The following PTPRK variants were observed in gnomAD, a reference collection of about 807,000 sequenced individuals.
PTPRK encodes protein tyrosine phosphatase receptor type K, also known as receptor-type tyrosine-protein phosphatase kappa.
A neutral mutation model predicts 178.0 loss-of-function variants in PTPRK; 75 were observed. That is an observed-to-expected ratio of 0.42 (90% confidence interval 0.35 to 0.51). The LOEUF (loss-of-function observed/expected upper bound fraction) is 0.51, where lower values mean the gene tolerates loss of function less well. PTPRK is among the 20% of genes least tolerant of loss of function. The pLI is 0.02. For synonymous variants in PTPRK, 637 were observed against 620.6 expected (o/e 1.03, Z -0.39); for missense variants, 1,441 against 1,797.8 (o/e 0.80, Z 3.59).
chr6:128,292,961 A>C (rs896320286), intron 3 of PTPRK, among the ~76,000 whole-genome samples: 1 of 152,080 alleles, frequency 6.6e-6, no homozygotes, highest in Non-Finnish European at 1.5e-5. Context: ...TGGTCAAAGA[A>C]TAGCCAAATA....
intron 3 of PTPRK, among the ~76,000 whole-genome samples, chr6:128,291,192 T>C (rs755439221): frequency 4.0e-5 from 6 of 151,866 alleles, no homozygotes; most frequent in Non-Finnish European, 8.8e-5. Context: ...ACAGAAGAGG[T>C]CAGAGGGATT....
intron 13 of PTPRK, among the ~76,000 whole-genome samples, chr6:128,042,440 G>A (rs191833897): frequency 1.3e-5 from 2 of 151,956 alleles, no homozygotes; most frequent in African/African-American, 2.4e-5. Flanking sequence ...GAGATAATCT[G>A]TTTTCTTGAT....
At chr6:128,091,768 C>T (rs1273826935) in intron 7 of PTPRK, among the ~76,000 whole-genome samples, 1 of 152,106 alleles carries the variant, frequency 6.6e-6, no homozygotes, top group African/African-American at 2.4e-5. Context: ...CTGACATTTT[C>T]CCCTTGTATA....
At chr6:128,096,038 T>C (rs146386624) in intron 7 of PTPRK, among the ~76,000 whole-genome samples, 2 of 152,316 alleles carry the variant, frequency 1.3e-5, no homozygotes, top group African/African-American at 4.8e-5. Flanking sequence ...TCTTAATTGT[T>C]ACAGTGAGAA....
At chr6:128,348,008 G>A (rs1165286750) in intron 2 of PTPRK, among the ~76,000 whole-genome samples, 1 of 151,758 alleles carries the variant, frequency 6.6e-6, no homozygotes, top group African/African-American at 2.4e-5. Flanking sequence ...TTACCCCAAG[G>A]ATATGACAAA....
chr6:128,118,128 A>C (rs1175539177), intron 7 of PTPRK, among the ~76,000 whole-genome samples: 1 of 152,220 alleles, frequency 6.6e-6, no homozygotes, highest in Non-Finnish European at 1.5e-5. Flanking sequence ...GCAAACAACA[A>C]TAATACCAAT....
intron 28 of PTPRK, 25 bp from the exon 29 acceptor site, chr6:127,973,182 T>G: frequency 6.2e-7 from 1 of 1,613,378 alleles, no homozygotes; most frequent in Non-Finnish European, 8.5e-7. Context: ...AGCAAAGGCA[T>G]TTTAGATAGC....
intron 13 of PTPRK, among the ~76,000 whole-genome samples, chr6:128,035,977 T>C (rs1396735435): frequency 1.3e-5 from 2 of 152,240 alleles, no homozygotes; most frequent in African/African-American, 4.8e-5. Flanking sequence ...TATGTTTTAG[T>C]TCCTTTAGCT....
intron 1 of PTPRK, among the ~76,000 whole-genome samples, chr6:128,416,886 T>G (rs1052822950): frequency 6.0e-5 from 9 of 150,850 alleles, no homozygotes; most frequent in Non-Finnish European, 1.3e-4. Context: ...CTAAACTAAC[T>G]CAGGTTTAAA....
chr6:128,388,877 C>CAAAACAT (rs1448142106), intron 2 of PTPRK, among the ~76,000 whole-genome samples: 10 of 152,144 alleles, frequency 6.6e-5, no homozygotes, highest in Non-Finnish European at 1.5e-4. Context: ...ATTACACACT[C>CAAAACAT]AAAACATAAC....
chr6:128,176,829 A>C (rs776873483), intron 7 of PTPRK, among the ~76,000 whole-genome samples: 2 of 151,740 alleles, frequency 1.3e-5, no homozygotes, highest in African/African-American at 2.4e-5. Flanking sequence ...TGATGAAAAT[A>C]ATGAGATTCA....
chr6:128,389,707 T>C (rs1839286908), intron 2 of PTPRK, among the ~76,000 whole-genome samples: 1 of 152,036 alleles, frequency 6.6e-6, no homozygotes, highest in Admixed American at 6.6e-5. Flanking sequence ...AGGTTGGAAG[T>C]TCTCTAGCAC....
At chr6:128,010,463 C>T (rs1352795221) in intron 13 of PTPRK, among the ~76,000 whole-genome samples, 1 of 151,234 alleles carries the variant, frequency 6.6e-6, no homozygotes, top group East Asian at 1.9e-4. Flanking sequence ...ATCCTTTCTT[C>T]TTTACCTTCT....
chr6:128,435,102 AAGGAAGGC>A (rs1356964112), intron 1 of PTPRK, among the ~76,000 whole-genome samples: 1,550 of 70,002 alleles, frequency 0.022, 40 homozygotes, highest in South Asian at 0.068. Context: ...GGAAGGAAGG[AAGGAAGGC>A]AGGAAGGCAG....
At chr6:128,373,988 T>G (rs911117689) in intron 2 of PTPRK, among the ~76,000 whole-genome samples, 7 of 152,180 alleles carry the variant, frequency 4.6e-5, no homozygotes, top group African/African-American at 1.7e-4. Flanking sequence ...GCCCCCATCC[T>G]CTGATTTTCC....
At position 127,985,754 on chromosome 6, in the gene PTPRK, G is replaced by C. The variant is rs1179430735; in HGVS notation, c.3218C>G (p.Pro1073Arg). 5 of 1,613,798 alleles carry C rather than the reference G, an allele frequency of 3.1e-6. No individual in the cohort carries two copies. The African/African-American group carries it at 5.3e-5, about 17-fold the overall frequency. ...TACAACGATGGGGCCAGCACTGGGA[G>C]GGTTTGATAACTTGACTCGCCGGAT... The part of the protein sequence containing the change: ...SFIRRVKLSN[P>R]PSAGPIVVHC... Residue 1073 changes from proline to arginine, a missense_variant, in exon 22 of 30, where the codon CCT (proline) becomes CGT (arginine). Physicochemically the swap from Pro to Arg is moderately radical, Grantham distance 103. This residue lies in a region of PTPRK where 335 missense variants were observed against 512.4 expected (regional missense o/e 0.65). Coordinates refer to ENST00000368226, the MANE Select transcript of PTPRK (RefSeq NM_002844.4).
intron 2 of PTPRK, among the ~76,000 whole-genome samples, chr6:128,370,837 C>T (rs1032552915): frequency 2.0e-5 from 3 of 152,098 alleles, no homozygotes; most frequent in African/African-American, 7.2e-5. Context: ...AATCTATTTG[C>T]CTTGCAAATA....
At chr6:128,429,224 G>A (rs1432339291) in intron 1 of PTPRK, among the ~76,000 whole-genome samples, 1 of 152,144 alleles carries the variant, frequency 6.6e-6, no homozygotes, top group Non-Finnish European at 1.5e-5. Context: ...CTTCCAACTC[G>A]AAATTCTTAG....
intron 7 of PTPRK, among the ~76,000 whole-genome samples, chr6:128,121,250 C>T (rs889482902): frequency 2.6e-5 from 4 of 151,998 alleles, no homozygotes; most frequent in Admixed American, 2.6e-4. Flanking sequence ...CAATGTAGAA[C>T]AGAAGGGAGG....
Sources: allele counts gnomAD v4.1 joint callset (sites outside exome capture counted in the v4.1 genomes callset), GRCh38; gene constraint gnomAD v4.1.1; regional missense constraint gnomAD v4.1.1; transcripts MANE v1.5; gene names NCBI Gene and HGNC (gene_info 2026-07-23, HGNC 2026-07-21).